Variants in RPS6KA2 observed in about 807,000 individuals in gnomAD.
RPS6KA2 encodes the protein ribosomal protein S6 kinase alpha-2.
RPS6KA2 carries 42 observed loss-of-function variants against 91.8 expected under a neutral mutation model. That is an observed-to-expected ratio of 0.46 (90% CI 0.36 to 0.59). RPS6KA2 has a LOEUF of 0.59. RPS6KA2 is among the 20% of genes least tolerant of loss of function. The pLI, the probability that RPS6KA2 is intolerant of heterozygous loss-of-function variation, is 0.00. For missense variants in RPS6KA2, 798 were observed against 978.5 expected (o/e 0.82, Z 2.46); for synonymous variants, 414 against 393.6 (o/e 1.05, Z -0.61).
intron 12 of RPS6KA2, among the ~76,000 whole-genome samples, chr6:166,455,719 G>A (rs1017210138): frequency 6.6e-6 from 1 of 152,234 alleles, no homozygotes; most frequent in African/African-American, 2.4e-5. Context: ...GCCGCTCGAG[G>A]AGGAGGCGCT....
chr6:166,757,324 A>G (rs1313883371), intron 2 of RPS6KA2, among the ~76,000 whole-genome samples: 2 of 152,218 alleles, frequency 1.3e-5, no homozygotes, highest in African/African-American at 4.8e-5. Context: ...GATAAATTAA[A>G]AACAAGGCAA....
At chr6:166,652,084 A>G (rs778935798) in intron 2 of RPS6KA2, among the ~76,000 whole-genome samples, 1 of 152,268 alleles carries the variant, frequency 6.6e-6, no homozygotes, top group Non-Finnish European at 1.5e-5. Context: ...ATATGATGAG[A>G]ATACTGTTTT....
rs1011485386 is a variant in RPS6KA2 at position 166,658,892 on chromosome 6, G to A, written c.124-120108C>T. 3.3e-5 allele frequency among the ~76,000 whole-genome samples: 5 copies of A among 152,312 alleles called. No homozygotes were observed. The East Asian group carries it at 9.6e-4, about 29-fold the overall frequency. The stretch of plus-strand genomic sequence containing the variant: ...TGTACAAGACACATGGGTCAGCATG[G>A]GGTGAGGAGAGCTCTGGGCAAAGGG... On this transcript the variant is annotated intron_variant, in intron 2 of 21. Transcript: ENST00000503859.
chr6:166,826,277 A>C (rs1780047016), intron 2 of RPS6KA2, among the ~76,000 whole-genome samples: 1 of 152,240 alleles, frequency 6.6e-6, no homozygotes, highest in Admixed American at 6.5e-5. Context: ...AAAGTGGAAA[A>C]GTAGAAAGAT....
intron 2 of RPS6KA2, among the ~76,000 whole-genome samples, chr6:166,645,690 A>T (rs1787583560): frequency 6.6e-6 from 1 of 152,232 alleles, no homozygotes; most frequent in East Asian, 1.9e-4. Context: ...GCCCCAGCTC[A>T]TCATAGTCCA....
intron 1 of RPS6KA2, among the ~76,000 whole-genome samples, chr6:166,551,998 A>G (rs55768173): frequency 6.6e-6 from 1 of 152,296 alleles, no homozygotes; most frequent in Non-Finnish European, 1.5e-5. Flanking sequence ...ACACAGCTTA[A>G]TTCTATCAGC....
exon 1 of RPS6KA2, chr6:166,862,279 G>T: frequency 6.3e-7 from 1 of 1,588,606 alleles, no homozygotes. Flanking sequence ...GAAGCCAAGG[G>T]ACGCAGAGGC....
chr6:166,550,258 T>C (rs1783955455), intron 1 of RPS6KA2, among the ~76,000 whole-genome samples: 1 of 152,214 alleles, frequency 6.6e-6, no homozygotes, highest in Admixed American at 6.5e-5. Context: ...CGACATTCCC[T>C]CTGTTTACTC....
chr6:166,537,637 A>G lies in RPS6KA2; in HGVS notation c.216+1031T>C, dbSNP rs1005874818. Among the ~76,000 whole-genome samples the G allele has an allele frequency of 7.9e-5, 12 of 152,312 alleles. No homozygotes were observed. In the East Asian group the frequency reaches 2.3e-3, roughly 29 times the overall value. On this transcript the variant is annotated intron_variant, in intron 2 of 20. Transcript: ENST00000265678. ...TCATGCGGACTGTAGGATTATCCAGAACACTAATGTACTATTCATTCTACA... is the reference window on the plus strand; with the variant it reads ...TCATGCGGACTGTAGGATTATCCAGGACACTAATGTACTATTCATTCTACA...
chr6:166,784,788 A>T (rs2128611954), intron 2 of RPS6KA2, among the ~76,000 whole-genome samples: 1 of 149,084 alleles, frequency 6.7e-6, no homozygotes, highest in African/African-American at 2.5e-5. Context: ...AGACCAGAGA[A>T]GTCCCGCAGT....
chr6:166,675,737 A>G (rs1788602667), intron 2 of RPS6KA2, among the ~76,000 whole-genome samples: 1 of 151,840 alleles, frequency 6.6e-6, no homozygotes, highest in Admixed American at 6.6e-5. Flanking sequence ...CTGTCCCAAT[A>G]TTTGTTTTTG....
chr6:166,656,723 T>A (rs937575903), intron 2 of RPS6KA2, among the ~76,000 whole-genome samples: 1 of 152,116 alleles, frequency 6.6e-6, no homozygotes, highest in Non-Finnish European at 1.5e-5. Flanking sequence ...TCACCTGCTG[T>A]GGGAACGGCA....
chr6:166,474,981 G>C (rs1228213023), intron 10 of RPS6KA2, among the ~76,000 whole-genome samples: 2 of 152,172 alleles, frequency 1.3e-5, no homozygotes, highest in East Asian at 3.9e-4. Context: ...GAGGGCGCTG[G>C]CCAGGAGCCC....
At chr6:166,513,364 C>T (rs531741911) in intron 3 of RPS6KA2, among the ~76,000 whole-genome samples, 3 of 152,256 alleles carry the variant, frequency 2.0e-5, no homozygotes, top group South Asian at 4.1e-4. Flanking sequence ...GGTGCGGGAG[C>T]GACTGCTTAT....
chr6:166,417,391 A>G (rs1345864308), intron 19 of RPS6KA2, among the ~76,000 whole-genome samples: 1 of 152,192 alleles, frequency 6.6e-6, no homozygotes, highest in African/African-American at 2.4e-5. Context: ...TGAGTAAAGC[A>G]GTTACCCTGC....
chr6:166,849,926 G>A lies in RPS6KA2; in HGVS notation c.123+8274C>T, dbSNP rs1037811135. ...CATGCCTGGCTCCGCTGTGCCCACGGGGCCTCCACCAGAGAAGTGTGAGAC... is the reference window on the plus strand; with the variant it reads ...CATGCCTGGCTCCGCTGTGCCCACGAGGCCTCCACCAGAGAAGTGTGAGAC... On this transcript the variant is annotated intron_variant, in intron 2 of 21. Coordinates refer to the RPS6KA2 transcript ENST00000503859. This position sits in a 1 kb window ranked among gnomAD's most constrained non-coding sequence, Gnocchi z 4.9. Among the ~76,000 whole-genome samples the A allele has an allele frequency of 3.9e-5, 6 of 152,236 alleles. No individual in the cohort carries two copies. The Middle Eastern group carries it at 0.01, about 261-fold the overall frequency.
intron 6 of RPS6KA2, among the ~76,000 whole-genome samples, chr6:166,502,421 T>C (rs897865654): frequency 1.3e-5 from 2 of 152,248 alleles, no homozygotes; most frequent in Admixed American, 1.3e-4. Flanking sequence ...ATAATTCTAG[T>C]TGAACAACAC....
At chr6:166,436,375 A>C (rs1779306660) in intron 14 of RPS6KA2, among the ~76,000 whole-genome samples, 1 of 151,998 alleles carries the variant, frequency 6.6e-6, no homozygotes, top group Non-Finnish European at 1.5e-5. Flanking sequence ...AGAGGCCTTA[A>C]TTAAAGGATC....
At chr6:166,839,405 T>C (rs1191618293) in intron 2 of RPS6KA2, among the ~76,000 whole-genome samples, 2 of 152,086 alleles carry the variant, frequency 1.3e-5, no homozygotes, top group East Asian at 3.9e-4. Context: ...GGATACGTTA[T>C]GAAGAAATGT....
Sources: allele counts gnomAD v4.1 joint callset (sites outside exome capture counted in the v4.1 genomes callset), GRCh38; gene constraint gnomAD v4.1.1; non-coding constraint Gnocchi (gnomAD v3.1); transcripts MANE v1.5; gene names NCBI Gene and HGNC (gene_info 2026-07-23, HGNC 2026-07-21).